The following PCDHGA2 variants were observed in gnomAD, a reference collection of about 807,000 sequenced individuals.
PCDHGA2 encodes the protein protocadherin gamma subfamily A, 2, also known as protocadherin gamma-A2.
PCDHGA2 carries 40 observed loss-of-function variants against 59.2 expected under a neutral mutation model. The observed-to-expected ratio is 0.68, with a 90% CI of 0.52 to 0.88. PCDHGA2 has a LOEUF of 0.88. Ranked by LOEUF, PCDHGA2 falls within the 40% of genes least tolerant of loss-of-function variation. The probability of loss-of-function intolerance (pLI) is 0.00; values close to 1 mark genes in which losing one functional copy is unlikely to be tolerated. For missense variants in PCDHGA2, 1,226 were observed against 1,204.0 expected (o/e 1.02, Z -0.27); for synonymous variants, 560 against 526.0 (o/e 1.06, Z -0.89).
intron 1 of PCDHGA2, chr5:141,345,634 C>T: frequency 6.2e-7 from 1 of 1,614,208 alleles, no homozygotes; most frequent in Non-Finnish European, 8.5e-7. Flanking sequence ...CTGGTGACAG[C>T]CAGCGACAGC....
chr5:141,450,669 T>C (rs2098689726), intron 1 of PCDHGA2, among the ~76,000 whole-genome samples: 1 of 151,904 alleles, frequency 6.6e-6, no homozygotes, highest in Admixed American at 6.6e-5. Context: ...GTACTTTTAG[T>C]AGAAACGGGG....
intron 1 of PCDHGA2, among the ~76,000 whole-genome samples, chr5:141,368,352 C>CAT (rs965270733): frequency 4.6e-5 from 7 of 152,124 alleles, no homozygotes; most frequent in East Asian, 1.9e-4. Flanking sequence ...TATACACACA[C>CAT]ATATATATAC....
At chr5:141,352,028 G>C (rs1433594846) in intron 1 of PCDHGA2, 1 of 1,609,284 alleles carries the variant, frequency 6.2e-7, no homozygotes, top group Non-Finnish European at 8.5e-7. Context: ...GGTGGTGGCG[G>C]TGGACGCAGA....
intron 1 of PCDHGA2, chr5:141,428,769 T>A (rs1367357065): frequency 6.5e-6 from 1 of 154,242 alleles, no homozygotes; most frequent in Non-Finnish European, 1.4e-5. Flanking sequence ...TTGCCCACTC[T>A]TAATATTTCC....
intron 1 of PCDHGA2, chr5:141,364,858 G>A (rs199575653): frequency 5.2e-5 from 84 of 1,613,888 alleles, no homozygotes; most frequent in Admixed American, 5.0e-4. Flanking sequence ...GCTCCAATCT[G>A]CACTTCTCTC....
At chr5:141,399,641 C>T (rs747527070) in intron 1 of PCDHGA2, 5 of 1,613,852 alleles carry the variant, frequency 3.1e-6, no homozygotes, top group Non-Finnish European at 4.2e-6. Context: ...TCCATGAGCG[C>T]GCAAAGTGGG....
chr5:141,502,028 G>A (rs561260963), intron 2 of PCDHGA2, among the ~76,000 whole-genome samples: 62 of 152,150 alleles, frequency 4.1e-4, no homozygotes, highest in African/African-American at 1.5e-3. Flanking sequence ...TGCAACCCCC[G>A]CCGCTTGCCT....
intron 1 of PCDHGA2, chr5:141,413,430 C>T (rs745782366): frequency 6.2e-7 from 1 of 1,614,078 alleles, no homozygotes; most frequent in Admixed American, 1.7e-5. Context: ...ACCCGCGCAG[C>T]GGCAGCTTGA....
intron 1 of PCDHGA2, chr5:141,484,931 A>G (rs940135310): frequency 1.4e-5 from 7 of 497,998 alleles, no homozygotes; most frequent in Non-Finnish European, 2.5e-5. Flanking sequence ...TGCTGTTGGG[A>G]CGTTCTCTGC....
chr5:141,484,024 A>G (rs769415978), intron 1 of PCDHGA2, among the ~76,000 whole-genome samples: 14 of 150,914 alleles, frequency 9.3e-5, no homozygotes, highest in Non-Finnish European at 1.6e-4. Flanking sequence ...GTGGGGTGAG[A>G]TCAAGTCTCC....
At chr5:141,377,345 C>T (rs1275867689) in intron 1 of PCDHGA2, 1 of 152,148 alleles carries the variant, frequency 6.6e-6, no homozygotes, top group African/African-American at 2.4e-5. Flanking sequence ...GTGGTTCACG[C>T]CTGTAATCCC....
Position 141,409,092 on chromosome 5 carries a change from A to C in PCDHGA2, c.2424+67697A>C, listed in dbSNP as rs150634031. On this transcript the variant is annotated intron_variant, in intron 1 of 3. Coordinates refer to ENST00000394576, the MANE Select transcript of PCDHGA2 (RefSeq NM_018915.4). ...AAACATATGTTCTCATTGGATGAGA[A>C]AACAGGTATGATTAAGAATAACCAG... 12 of 1,614,050 alleles carry C rather than the reference A, an allele frequency of 7.4e-6. No homozygotes were observed. The East Asian group carries it at 2.7e-4, about 36-fold the overall frequency.
At chr5:141,389,438 C>G in intron 1 of PCDHGA2, 1 of 1,610,592 alleles carries the variant, frequency 6.2e-7, no homozygotes, top group East Asian at 2.2e-5. Context: ...AGCGCGCCTT[C>G]GACCACGAGC....
Position 141,476,383 on chromosome 5 carries a change from C to G in PCDHGA2, c.2425-18424C>G, listed in dbSNP as rs547854431. ...GGGAGACCGGAGAGATGTTTGTGAACGACCGTCTGGATCGAGAGGAGCTGT... is the reference window on the plus strand; with the variant it reads ...GGGAGACCGGAGAGATGTTTGTGAAGGACCGTCTGGATCGAGAGGAGCTGT... On this transcript the variant is annotated intron_variant, in intron 1 of 3. Transcript: ENST00000394576. The surrounding 1 kb of genome is among the most constrained non-coding windows in gnomAD (Gnocchi z 7.6). 1.2e-6 allele frequency: 2 copies of G among 1,614,102 alleles called. No homozygotes were observed. Among genetic ancestry groups the G allele is most frequent in the Middle Eastern group, 3.3e-4 (2 of 6,062 alleles).
chr5:141,357,127 G>A (rs756766460), intron 1 of PCDHGA2: 2 of 1,613,446 alleles, frequency 1.2e-6, no homozygotes, highest in Non-Finnish European at 1.7e-6. Context: ...GCAGAGGCTT[G>A]TAGTGGTCGT....
At chr5:141,419,548 G>C in intron 1 of PCDHGA2, 1 of 1,611,976 alleles carries the variant, frequency 6.2e-7, no homozygotes, top group Non-Finnish European at 8.5e-7. Context: ...CGCGGGTGCT[G>C]TACCCTGCGC....
rs532907359 is a variant in PCDHGA2, at chr5:141,500,353, C to T, written c.2484-5040C>T. 1.9e-4 allele frequency among the ~76,000 whole-genome samples: 29 copies of T among 152,052 alleles called. No homozygotes were observed. The East Asian group carries it at 5.2e-3, about 27-fold the overall frequency. The stretch of plus-strand genomic sequence containing the variant: ...CCTCCAGAATAGCTGGGACTACAGG[C>T]GCCCACTACCACGCCCGGCTAATTA... On this transcript the variant is annotated intron_variant, in intron 2 of 3. Transcript: ENST00000394576.
intron 1 of PCDHGA2, chr5:141,377,314 A>G (rs890147019): frequency 5.3e-5 from 8 of 152,110 alleles, no homozygotes; most frequent in African/African-American, 1.9e-4. Flanking sequence ...AAAGATCAAG[A>G]TCTTGGTTTT....
intron 1 of PCDHGA2, chr5:141,371,107 AC>A: frequency 6.2e-7 from 1 of 1,613,650 alleles, no homozygotes; most frequent in Non-Finnish European, 8.5e-7. Context: ...GCAAATGATA[AC>A]CCCCCAGTAT....
Sources: allele counts gnomAD v4.1 joint callset (sites outside exome capture counted in the v4.1 genomes callset), GRCh38; gene constraint gnomAD v4.1.1; non-coding constraint Gnocchi (gnomAD v3.1); transcripts MANE v1.5; gene names NCBI Gene and HGNC (gene_info 2026-07-23, HGNC 2026-07-21).